The following HSD17B4 variants were observed in gnomAD, a reference collection of about 807,000 sequenced individuals.
HSD17B4 encodes the protein peroxisomal multifunctional enzyme type 2.
Under a neutral mutation model 101.0 loss-of-function variants are expected in HSD17B4, and 70 were observed. The observed-to-expected ratio is 0.69, with a 90% confidence interval of 0.57 to 0.85. HSD17B4 has a LOEUF of 0.85. HSD17B4 is among the 40% of genes least tolerant of loss of function. The pLI, the probability that HSD17B4 is intolerant of heterozygous loss-of-function variation, is 0.00. For synonymous variants in HSD17B4, 347 were observed against 297.1 expected, an observed-to-expected ratio of 1.17 and a Z score of -1.73; for missense variants, 984 against 892.4, an observed-to-expected ratio of 1.10 and a Z score of -1.31.
intron 17 of HSD17B4, among the ~76,000 whole-genome samples, chr5:119,522,866 G>A (rs1753240395): frequency 6.6e-6 from 1 of 152,096 alleles, no homozygotes; most frequent in South Asian, 2.1e-4. Context: ...AGTCAGTGCT[G>A]TAATCTTCCA....
chr5:119,474,146 G>C (rs1482006600), intron 3 of HSD17B4, 131 bp downstream of exon 3: 7 of 698,390 alleles, frequency 1.0e-5, no homozygotes, highest in African/African-American at 9.0e-5. Context: ...AAAGTTTTCT[G>C]ACTACATATT....
chr5:119,536,818 A>G (rs1754583055), intron 23 of HSD17B4, among the ~76,000 whole-genome samples: 1 of 152,166 alleles, frequency 6.6e-6, no homozygotes, highest in Non-Finnish European at 1.5e-5. Context: ...ATATGACATT[A>G]GTAGGTACTA....
At chr5:119,517,157 G>C (rs542024244) in intron 17 of HSD17B4, among the ~76,000 whole-genome samples, 34 of 152,360 alleles carry the variant, frequency 2.2e-4, no homozygotes, top group African/African-American at 7.2e-4. Context: ...AGGCCAGCTT[G>C]AGTTCTGGGT....
intron 15 of HSD17B4, among the ~76,000 whole-genome samples, 173 bp downstream of exon 15, chr5:119,507,062 G>A (rs1309733775): frequency 1.3e-5 from 2 of 152,178 alleles, no homozygotes; most frequent in Admixed American, 6.5e-5. Flanking sequence ...AGGGGGAGAA[G>A]CATTTATTTC....
At chr5:119,513,491 C>T (rs1752349192) in intron 16 of HSD17B4, among the ~76,000 whole-genome samples, 1 of 152,128 alleles carries the variant, frequency 6.6e-6, no homozygotes. Flanking sequence ...TCAGGTGATC[C>T]TCCTGCCTCA....
intron 22 of HSD17B4, among the ~76,000 whole-genome samples, chr5:119,532,100 G>A (rs1754164873): frequency 6.6e-6 from 1 of 152,128 alleles, no homozygotes; most frequent in African/African-American, 2.4e-5. Flanking sequence ...CATCTGCTGT[G>A]TAACTCACAT....
intron 16 of HSD17B4, among the ~76,000 whole-genome samples, chr5:119,512,806 G>A (rs1752294827): frequency 6.6e-6 from 1 of 152,302 alleles, no homozygotes; most frequent in African/African-American, 2.4e-5. Context: ...TAGGTTAGAT[G>A]TTGCCAAGGG....
chr5:119,495,539 CTAAA>C (rs1254575480), intron 11 of HSD17B4, among the ~76,000 whole-genome samples: 9 of 152,122 alleles, frequency 5.9e-5, no homozygotes, highest in Admixed American at 5.2e-4. Flanking sequence ...TGGCTTTCAA[CTAAA>C]TAGTCTTCCC....
rs773542757 is a variant in HSD17B4 at position 119,509,159 on chromosome 5, A to G, written c.1352A>G (p.Lys451Arg). 2 of 1,585,176 alleles carry G rather than the reference A, an allele frequency of 1.3e-6. No individual in the cohort carries two copies. Among genetic ancestry groups the G allele is most frequent in the Non-Finnish European group, 8.7e-7 (1 of 1,153,882 alleles). Residue 451 changes from lysine to arginine, a missense_variant, in exon 16 of 24, where the codon AAG (lysine) becomes AGG (arginine). Physicochemically the swap from Lys to Arg is conservative, Grantham distance 26 (BLOSUM62 2). Coordinates refer to ENST00000510025, the MANE Select transcript of HSD17B4 (RefSeq NM_000414.4). Reference sequence around the variant, plus strand: ...TTTTCAGTCTATTCTTATTCTGAGAAGGAACTTATATGCCACAATCAGTTC... The same window carrying G: ...TTTTCAGTCTATTCTTATTCTGAGAGGGAACTTATATGCCACAATCAGTTC... ...IIMDVYSYSE[K>R]ELICHNQFSL...
At chr5:119,488,288 T>A (rs569436951) in intron 8 of HSD17B4, among the ~76,000 whole-genome samples, 2 of 152,226 alleles carry the variant, frequency 1.3e-5, no homozygotes, top group Admixed American at 1.3e-4. Context: ...AAAATCAAAG[T>A]CTTCATGTTC....
At chr5:119,461,582 T>C (rs935144337) in intron 2 of HSD17B4, among the ~76,000 whole-genome samples, 17 of 152,174 alleles carry the variant, frequency 1.1e-4, no homozygotes, top group African/African-American at 3.9e-4. Context: ...AAGTGTGTTT[T>C]AGAATTCCTT....
chr5:119,499,712 G>C (rs1257933154), intron 13 of HSD17B4, 159 bp downstream of exon 13: 1 of 425,550 alleles, frequency 2.3e-6, no homozygotes, highest in Non-Finnish European at 4.0e-6. Flanking sequence ...TTCTTTTTAA[G>C]AATAAAAGAG....
intron 23 of HSD17B4, among the ~76,000 whole-genome samples, chr5:119,539,825 C>T (rs989094488): frequency 2.0e-5 from 3 of 150,436 alleles, no homozygotes; most frequent in African/African-American, 7.4e-5. Context: ...GACAATGTCT[C>T]GTGCCTGTAG....
At chr5:119,515,631 GA>G (rs1244296715) in intron 17 of HSD17B4, among the ~76,000 whole-genome samples, 1 of 152,110 alleles carries the variant, frequency 6.6e-6, no homozygotes, top group African/African-American at 2.4e-5. Context: ...ATTTGTTTAA[GA>G]AACAAAAGGC....
chr5:119,461,567 G>C (rs1260427924), intron 2 of HSD17B4, among the ~76,000 whole-genome samples: 2 of 152,046 alleles, frequency 1.3e-5, no homozygotes, highest in Non-Finnish European at 2.9e-5. Flanking sequence ...CTTTTTATCG[G>C]ATCTAAGTGT....
chr5:119,482,116 C>A (rs984830599), intron 8 of HSD17B4, among the ~76,000 whole-genome samples: 3 of 152,024 alleles, frequency 2.0e-5, no homozygotes, highest in African/African-American at 4.8e-5. Context: ...TCTTTTTCTT[C>A]TTCTCGGGTT....
chr5:119,487,257 T>TTTTTG (rs1554063885), intron 8 of HSD17B4: 2 of 151,350 alleles, frequency 1.3e-5, no homozygotes, highest in Non-Finnish European at 2.9e-5. Context: ...TTTTTTTTTT[T>TTTTTG]TCTGGTTGGA....
At chr5:119,513,812 T>C (rs750975611) in intron 16 of HSD17B4, among the ~76,000 whole-genome samples, 1 of 152,210 alleles carries the variant, frequency 6.6e-6, no homozygotes, top group Non-Finnish European at 1.5e-5. Flanking sequence ...AACGAGTTTC[T>C]AGTCTGTTAA....
intron 16 of HSD17B4, chr5:119,509,446 A>G (rs1050578833): frequency 1.5e-6 from 1 of 686,044 alleles, no homozygotes; most frequent in Non-Finnish European, 2.7e-6. Flanking sequence ...CAATGTGAGG[A>G]TGATGAGGAT....
Sources: gnomAD v4.1 joint callset for allele counts (sites outside exome capture counted in the v4.1 genomes callset) on GRCh38, gnomAD v4.1.1 for gene constraint, MANE v1.5 for transcripts, NCBI Gene and HGNC (gene_info 2026-07-23, HGNC 2026-07-21) for gene names.